ERI2: variants seen among roughly 807,000 people sequenced by gnomAD.
The protein encoded by ERI2 is ERI1 exoribonuclease family member 2.
ERI2 carries 35 observed loss-of-function variants against 46.8 expected under a neutral mutation model. The ratio of observed to expected loss-of-function variants is 0.75; its 90% CI spans 0.57 to 0.99. The LOEUF (loss-of-function observed/expected upper bound fraction) is 0.99, where lower values mean the gene tolerates loss of function less well. Ranked by LOEUF, ERI2 falls within the 50% of genes least tolerant of loss-of-function variation. The pLI, the probability that ERI2 is intolerant of heterozygous loss-of-function variation, is 0.00. For synonymous variants in ERI2, 224 were observed against 271.0 expected (o/e 0.83, Z 1.70); for missense variants, 695 against 796.2 (o/e 0.87, Z 1.53).
At chr16:20,802,401 ATTTAC>A (rs887268142) in intron 4 of ERI2, among the ~76,000 whole-genome samples, 35 of 151,962 alleles carry the variant, frequency 2.3e-4, no homozygotes, top group African/African-American at 8.0e-4. Flanking sequence ...TTATTTATTT[ATTTAC>A]TTATTTATTC....
intron 10 of ERI2, among the ~76,000 whole-genome samples, chr16:20,789,325 C>T (rs1316360644): frequency 6.6e-6 from 1 of 152,154 alleles, no homozygotes; most frequent in Non-Finnish European, 1.5e-5. Flanking sequence ...CATAGGGCTA[C>T]AGTGAGGAAT....
At position 20,798,547 on chromosome 16, in the gene ERI2, T is replaced by C; in HGVS notation, c.1253A>G (p.Gln418Arg). The change falls in exon 9 of 9, where the codon CAG (glutamine) becomes CGG (arginine). Residue 418 changes from glutamine (Q) to arginine (R), a missense_variant. Coordinates refer to ENST00000357967, the MANE Select transcript of ERI2 (RefSeq NM_001142725.2). ...TGTACAGTCTACGTTTTCCTCAGGC[T>C]GAGATGCTGGCAGTAAAACCACATC... The part of the protein sequence containing the change: ...WEDVVLLPAS[Q>R]PEENVDCTVP... The C allele has an allele frequency of 6.4e-7, 1 of 1,551,606 alleles. No homozygotes were observed. Among genetic ancestry groups the C allele is most frequent in the Non-Finnish European group, 8.7e-7 (1 of 1,146,900 alleles).
At chr16:20,787,219 C>G (rs1462891791) in intron 10 of ERI2, among the ~76,000 whole-genome samples, 4 of 152,186 alleles carry the variant, frequency 2.6e-5, no homozygotes, top group Admixed American at 1.3e-4. Context: ...TGAAAACATC[C>G]TAAGTCACAA....
chr16:20,785,669 G>A (rs1317513275), intron 10 of ERI2, among the ~76,000 whole-genome samples: 1 of 152,108 alleles, frequency 6.6e-6, no homozygotes, highest in Non-Finnish European at 1.5e-5. Context: ...AGATGAAATA[G>A]ATAAGGGAAA....
Position 20,796,718 on chromosome 16 carries a change from AC to A in ERI2, c.*1005del. On this transcript the variant is annotated 3_prime_UTR_variant, in exon 9 of 9. Transcript: ENST00000357967. Reference sequence around the variant, plus strand: ...CTCACAGTAAATACTTAATATCAAGACAACTTTCCTAACAATACCCTTTTCC... The same window carrying A: ...CTCACAGTAAATACTTAATATCAAGAAACTTTCCTAACAATACCCTTTTCC... 1 of 1,488,270 alleles carries A rather than the reference AC, an allele frequency of 6.7e-7. No individual in the cohort carries two copies. The highest frequency in any genetic ancestry group is 8.9e-7 in the Non-Finnish European group (1 of 1,126,140). 92.2% of individuals were successfully genotyped at this position (1,488,270 alleles called of 1,614,324 possible).
chr16:20,798,302 T>G lies in ERI2; in HGVS notation c.1498A>C (p.Lys500Gln). The change falls in exon 9 of 9, where the codon AAG becomes CAG. Residue 500 changes from lysine (K) to glutamine (Q), a missense_variant. Transcript: ENST00000357967. ...KDPGSDISAF[K>Q]LPEHKSSTFN... ...GTACTTGATTTGTGTTCAGGTAACT[T>G]AAAGGCAGAAATATCTGAACCTGGA... 1 of 1,551,532 alleles carries G rather than the reference T, an allele frequency of 6.4e-7. No individual in the cohort carries two copies.
chr16:20,787,963 A>C (rs1184549543), intron 10 of ERI2, among the ~76,000 whole-genome samples: 2 of 152,208 alleles, frequency 1.3e-5, no homozygotes, highest in African/African-American at 2.4e-5. Context: ...ATAATAACAG[A>C]ACTGATTTCA....
At position 20,797,952 on chromosome 16, in the gene ERI2, T is replaced by C. The variant is rs2080751154; in HGVS notation, c.1848A>G (p.Gly616=). The change falls in exon 9 of 9, where the codon GGA becomes GGG. Residue 616 remains glycine, a synonymous_variant. Coordinates refer to ENST00000357967, the MANE Select transcript of ERI2 (RefSeq NM_001142725.2). ...CGATAGGGCAACAATAGAAGACTTT[T>C]CCATGGTTCGGTCCATTATTAGAAA... ...LVVSNNGPNH[G]KVFYCCPIGK... 6.4e-7 allele frequency: 1 copy of C among 1,551,842 alleles called. No homozygotes were observed. The highest frequency in any genetic ancestry group is 1.4e-5 in the African/African-American group (1 of 73,058).
chr16:20,798,182 G>A lies in ERI2; in HGVS notation c.1618C>T (p.Gln540Ter). Residue 540 changes from glutamine (Q) to a stop codon, truncating the protein, a stop_gained, in exon 9 of 9, where the codon CAA becomes TAA. Coordinates refer to ENST00000357967, the MANE Select transcript of ERI2 (RefSeq NM_001142725.2). LOFTEE classifies it high-confidence loss of function. ...GGTKRNPCSP[Q>*]AFPPAKKQPF... ...TGTTTTTTTGCTGGTGGGAAAGCTT[G>A]GGGACTGCATGGATTCCTTTTGGTA... The A allele has an allele frequency of 6.4e-7, 1 of 1,551,570 alleles. No homozygotes were observed. Among genetic ancestry groups the A allele is most frequent in the Non-Finnish European group, 8.7e-7 (1 of 1,146,926 alleles).
At chr16:20,805,582 T>C (rs938561157) in intron 1 of ERI2, 14 of 152,608 alleles carry the variant, frequency 9.2e-5, no homozygotes, top group African/African-American at 3.4e-4. Context: ...CTAGATATAA[T>C]AAAGAAATCA....
At chr16:20,784,458 G>C (rs1448012432) in intron 10 of ERI2, 1 of 152,566 alleles carries the variant, frequency 6.6e-6, no homozygotes, top group Non-Finnish European at 1.5e-5. Context: ...CCCACCATCA[G>C]TTTTACCAAA....
At chr16:20,789,386 T>G (rs765312797) in intron 10 of ERI2, 480 of 903,132 alleles carry the variant, frequency 5.3e-4, no homozygotes, top group Non-Finnish European at 8.0e-4. Flanking sequence ...TAGCATGTAT[T>G]AAGTACTTAA....
In ERI2 at chr16:20,797,981, C is replaced by G. The variant is rs200253322; in HGVS notation, c.1819G>C (p.Val607Leu). The change falls in exon 9 of 9, where the codon GTT becomes CTT. Residue 607 changes from valine (V) to leucine (L), a missense_variant. Coordinates refer to ENST00000357967, the MANE Select transcript of ERI2 (RefSeq NM_001142725.2). ...CKCGRRSKRL[V>L]VSNNGPNHGK... ...TGGTTCGGTCCATTATTAGAAACAA[C>G]AAGTCTCTTAGATCTCCGACCACAC... 5.2e-6 allele frequency: 8 copies of G among 1,551,824 alleles called. No homozygotes were observed. The highest frequency in any genetic ancestry group is 4.1e-5 in the African/African-American group (3 of 73,026).
chr16:20,798,142 T>C lies in ERI2; in HGVS notation c.1658A>G (p.His553Arg). Residue 553 changes from histidine (H) to arginine (R), a missense_variant, in exon 9 of 9, where the codon CAT (histidine) becomes CGT (arginine). Transcript: ENST00000357967. ...ATCAGATGATGTAGGCTTTTCTTCA[T>C]GAATAGTGAAGGGTTGTTTTTTTGC... ...PPAKKQPFTI[H>R]EEKPTSSDCS... is the part of the protein sequence containing the mutation. 1.9e-6 allele frequency: 3 copies of C among 1,551,578 alleles called. No homozygotes were observed. Among genetic ancestry groups the C allele is most frequent in the Non-Finnish European group, 2.6e-6 (3 of 1,146,904 alleles).
Position 20,796,778 on chromosome 16 carries a change from G to C in ERI2, c.*946C>G. 6.5e-7 allele frequency: 1 copy of C among 1,545,734 alleles called. No homozygotes were observed. Among genetic ancestry groups the C allele is most frequent in the Non-Finnish European group, 8.7e-7 (1 of 1,152,300 alleles). On this transcript the variant is annotated 3_prime_UTR_variant, in exon 9 of 9. Transcript: ENST00000357967. ...GCTGTTACCCAAAACCCATTCCAAA[G>C]ACTATTCTAATTCTTCCACCTAGAA... is the stretch of plus-strand genomic sequence containing the variant.
chr16:20,799,106 G>C lies in ERI2; in HGVS notation c.733-39C>G, dbSNP rs753814815. On this transcript the variant is annotated intron_variant, in intron 8 of 8. Coordinates refer to ENST00000357967, the MANE Select transcript of ERI2 (RefSeq NM_001142725.2). ...GACAAATGCAACAGCTTTAGAAACT[G>C]TGCATTCGTTAATTTCTTCAGTATA... 1.6e-5 allele frequency: 24 copies of C among 1,479,218 alleles called. No individual in the cohort carries two copies. In the South Asian group the frequency reaches 3.3e-4, roughly 20 times the overall value. 91.6% of individuals were successfully genotyped at this position (1,479,218 alleles called of 1,614,324 possible).
chr16:20,796,411 A>G lies in ERI2; in HGVS notation c.*1313T>C. 6.2e-7 allele frequency: 1 copy of G among 1,613,894 alleles called. No homozygotes were observed. Among genetic ancestry groups the G allele is most frequent in the Non-Finnish European group, 8.5e-7 (1 of 1,179,936 alleles). On this transcript the variant is annotated 3_prime_UTR_variant, in exon 9 of 9. Transcript: ENST00000357967. Reference sequence around the variant, plus strand: ...TCGTTCTAAATCCTGATTACAAGTCACATGATCAAGAACAACTAATAAAGG... The same window carrying G: ...TCGTTCTAAATCCTGATTACAAGTCGCATGATCAAGAACAACTAATAAAGG...
intron 1 of ERI2, among the ~76,000 whole-genome samples, chr16:20,805,461 A>G (rs62033349): frequency 0.13 from 20,534 of 152,218 alleles, 1,781 homozygotes; most frequent in South Asian, 0.26. Context: ...GTTTGTAAAA[A>G]GTAGAGGTTC....
At chr16:20,783,122 T>C (rs1223745498) in intron 10 of ERI2, 1 of 152,186 alleles carries the variant, frequency 6.6e-6, no homozygotes, top group Non-Finnish European at 1.5e-5. Flanking sequence ...CCAACCCCTA[T>C]ACGGGAGCCC....
Sources: gnomAD v4.1 joint callset for allele counts (sites outside exome capture counted in the v4.1 genomes callset) on GRCh38, gnomAD v4.1.1 for gene constraint, MANE v1.5 for transcripts, NCBI Gene and HGNC (gene_info 2026-07-23, HGNC 2026-07-21) for gene names.